The following TRPM1 variants were observed in gnomAD, a reference collection of about 807,000 sequenced individuals.
TRPM1 encodes the protein transient receptor potential cation channel subfamily M member 1, also known as TRPM1-203 APA Isoform, Intron 10.
A neutral mutation model predicts 149.4 loss-of-function variants in TRPM1; 113 were observed. The observed-to-expected ratio is 0.76, with a 90% CI of 0.65 to 0.88. TRPM1 has a LOEUF of 0.88. Ranked by LOEUF, TRPM1 falls within the 40% of genes least tolerant of loss-of-function variation. The probability of loss-of-function intolerance (pLI) is 0.00; values close to 1 mark genes in which losing one functional copy is unlikely to be tolerated. For missense variants in TRPM1, 1,976 were observed against 2,038.7 expected (o/e 0.97, Z 0.59); for synonymous variants, 741 against 759.5 (o/e 0.98, Z 0.40).
chr15:31,127,353 C>T (rs911827237), intron 1 of TRPM1, among the ~76,000 whole-genome samples: 2 of 152,152 alleles, frequency 1.3e-5, no homozygotes, highest in African/African-American at 4.8e-5. Flanking sequence ...GGGCAGGTGG[C>T]CTTTAGTTTA....
chr15:31,020,826 G>A (rs1384288094), intron 27 of TRPM1, among the ~76,000 whole-genome samples: 1 of 152,142 alleles, frequency 6.6e-6, no homozygotes, highest in Non-Finnish European at 1.5e-5. Context: ...TTGGTCTTCT[G>A]GTAGGCTTAG....
chr15:31,039,016 G>T (rs2140925774), intron 18 of TRPM1, among the ~76,000 whole-genome samples: 1 of 146,768 alleles, frequency 6.8e-6, no homozygotes, highest in African/African-American at 2.5e-5. Flanking sequence ...TTTTTGCTTG[G>T]ACTACCTGCT....
At chr15:31,133,967 C>G (rs2036054667) in intron 1 of TRPM1, among the ~76,000 whole-genome samples, 2 of 152,154 alleles carry the variant, frequency 1.3e-5, no homozygotes. Flanking sequence ...ATGGGAGTAG[C>G]TCTTTAAGAC....
rs371444476 is a variant in TRPM1, at chr15:31,050,593, C to T, written c.1264-11G>A. ...CAGGCTTCCCAGGGGCTGCAGTCCACAGCAATCAGAGTTGGGAAATGGTAC... is the reference window on the plus strand; with the variant it reads ...CAGGCTTCCCAGGGGCTGCAGTCCATAGCAATCAGAGTTGGGAAATGGTAC... On this transcript the variant is annotated splice_polypyrimidine_tract_variant and intron_variant, in intron 11 of 27. Transcript: ENST00000256552. 45 of 1,614,066 alleles carry T rather than the reference C, an allele frequency of 2.8e-5. No homozygotes were observed. The highest frequency in any genetic ancestry group is 3.6e-5 in the Non-Finnish European group (42 of 1,180,014).
At chr15:31,072,290 T>C (rs940497934) in intron 3 of TRPM1, among the ~76,000 whole-genome samples, 1 of 152,160 alleles carries the variant, frequency 6.6e-6, no homozygotes, top group South Asian at 2.1e-4. Context: ...TAATATCTGG[T>C]CTTTGGAGAT....
intron 1 of TRPM1, among the ~76,000 whole-genome samples, chr15:31,120,370 A>G (rs1480594000): frequency 6.6e-6 from 1 of 152,186 alleles, no homozygotes; most frequent in Middle Eastern, 3.2e-3. Flanking sequence ...TTTGATGTGT[A>G]TGTGTCTAAC....
intron 21 of TRPM1, among the ~76,000 whole-genome samples, chr15:31,034,702 T>G (rs1462573169): frequency 6.6e-6 from 1 of 152,216 alleles, no homozygotes; most frequent in Admixed American, 6.5e-5. Context: ...TCCTGTAACT[T>G]TGGGCTTTGG....
chr15:31,007,593 G>A (rs2032035962), intron 27 of TRPM1, among the ~76,000 whole-genome samples: 1 of 152,092 alleles, frequency 6.6e-6, no homozygotes, highest in Non-Finnish European at 1.5e-5. Context: ...CTTGAGCTCA[G>A]GAGTTTGAGA....
At chr15:31,129,299 G>C (rs78112005) in intron 1 of TRPM1, among the ~76,000 whole-genome samples, 1 of 152,234 alleles carries the variant, frequency 6.6e-6, no homozygotes, top group Non-Finnish European at 1.5e-5. Context: ...CAACAGTGCT[G>C]ACTTGTGCTT....
intron 3 of TRPM1, among the ~76,000 whole-genome samples, chr15:31,073,976 A>G (rs1230077104): frequency 6.6e-6 from 1 of 152,014 alleles, no homozygotes; most frequent in Non-Finnish European, 1.5e-5. Flanking sequence ...TTTTGTTTCT[A>G]CTATATTGAT....
rs1193107969 is a variant in TRPM1, at chr15:31,040,291, G to A, written c.2143C>T (p.Gln715Ter). ...LLDQSYKHDE[Q>*]IAMKLLTYEL... is the part of the protein sequence containing the mutation. ...TAGGTCAGGAGTTTCATAGCGATCT[G>A]CTCGTCATGCTTATAGGACTGGTCT... The change falls in exon 18 of 28, where the codon CAG becomes TAG. Residue 715 changes from glutamine to a stop codon, truncating the protein, a stop_gained. Coordinates refer to ENST00000256552, the MANE Select transcript of TRPM1 (RefSeq NM_001252024.2). LOFTEE classifies it high-confidence loss of function. The surrounding 1 kb of genome is among the most constrained non-coding windows in gnomAD (Gnocchi z 4.2). 2 of 1,614,084 alleles carry A rather than the reference G, an allele frequency of 1.2e-6. No individual in the cohort carries two copies. Among genetic ancestry groups the A allele is most frequent in the East Asian group, 2.2e-5 (1 of 44,906 alleles).
chr15:31,129,452 C>A (rs1455718420), intron 1 of TRPM1, among the ~76,000 whole-genome samples: 1 of 152,190 alleles, frequency 6.6e-6, no homozygotes, highest in African/African-American at 2.4e-5. Flanking sequence ...TCTGCCCACT[C>A]AGCTCTCTGC....
At position 31,047,203 on chromosome 15, in the gene TRPM1, C is replaced by G. The variant is rs779702766; in HGVS notation, c.1672G>C (p.Val558Leu). The G allele has an allele frequency of 6.2e-7, 1 of 1,614,064 alleles. No homozygotes were observed. The highest frequency in any genetic ancestry group is 2.2e-5 in the East Asian group (1 of 44,892). ...GCTCCTCCCATGAGGTACTCCAGCA[C>G]GAGCCCGATGTCTATGAGGCTGATG... ...YHISLIDIGL[V>L]LEYLMGGAYR... Residue 558 changes from valine to leucine, a missense_variant, in exon 15 of 28, where the codon GTG (valine) becomes CTG (leucine). Val to Leu is a conservative substitution (Grantham distance 32, BLOSUM62 1). Coordinates refer to ENST00000256552, the MANE Select transcript of TRPM1 (RefSeq NM_001252024.2).
intron 1 of TRPM1, among the ~76,000 whole-genome samples, chr15:31,091,347 T>C (rs1183733767): frequency 6.6e-6 from 1 of 152,266 alleles, no homozygotes; most frequent in African/African-American, 2.4e-5. Context: ...CTCTGCCCTT[T>C]GTGGACGATG....
intron 1 of TRPM1, among the ~76,000 whole-genome samples, chr15:31,088,817 G>A (rs1032421886): frequency 1.3e-5 from 2 of 150,542 alleles, no homozygotes; most frequent in Non-Finnish European, 3.0e-5. Context: ...GGATGCGTCA[G>A]AGGAGGCCTT....
chr15:31,101,869 A>G (rs983231349), upstream of TRPM1: 1 of 269,096 alleles, frequency 3.7e-6, no homozygotes. Context: ...CAGGGCCCCA[A>G]GCTTCCAGGC....
At chr15:31,088,906 C>G (rs148360978) in intron 1 of TRPM1, among the ~76,000 whole-genome samples, 320 of 152,228 alleles carry the variant, frequency 2.1e-3, no homozygotes, top group African/African-American at 7.3e-3. Context: ...TGTTTGCCTA[C>G]CAGAAGTCTG....
Position 31,029,370 on chromosome 15 carries a change from CGAT to C in TRPM1, c.3146_3148del (p.Asn1049_Pro1050delinsThr). On this transcript the variant is annotated inframe_deletion and splice_region_variant, in exon 24 of 28. Transcript: ENST00000256552. ...GAATAATCAATTCCATGTAAACTTA[CGAT>C]TAATTTCCATGGCGTAGACTACATG... 6.2e-7 allele frequency: 1 copy of C among 1,613,596 alleles called. No individual in the cohort carries two copies. The highest frequency in any genetic ancestry group is 1.7e-5 in the Admixed American group (1 of 60,014).
chr15:31,097,787 G>A (rs911554115), intron 1 of TRPM1, among the ~76,000 whole-genome samples: 2 of 152,186 alleles, frequency 1.3e-5, no homozygotes, highest in African/African-American at 4.8e-5. Flanking sequence ...GTAGACCCTG[G>A]CTACCTGGGG....
Sources: gnomAD v4.1 joint callset for allele counts (sites outside exome capture counted in the v4.1 genomes callset) on GRCh38, gnomAD v4.1.1 for gene constraint, Gnocchi (gnomAD v3.1) non-coding constraint, MANE v1.5 for transcripts, NCBI Gene and HGNC (gene_info 2026-07-23, HGNC 2026-07-21) for gene names.